Variants in HLA-DQB1 observed in about 807,000 individuals in gnomAD.
HLA-DQB1 encodes the protein HLA class II histocompatibility antigen, DQ beta 1 chain.
Under a neutral mutation model 26.4 loss-of-function variants are expected in HLA-DQB1, and 13 were observed. The ratio of observed to expected loss-of-function variants is 0.49; its 90% confidence interval spans 0.32 to 0.78. The LOEUF is 0.78. Ranked by LOEUF, HLA-DQB1 falls within the 30% of genes least tolerant of loss-of-function variation. HLA-DQB1 has a pLI of 0.03. For missense variants in HLA-DQB1, 158 were observed against 326.2 expected (o/e 0.48, Z 3.97); for synonymous variants, 60 against 129.1 (o/e 0.46, Z 3.63).
chr6:32,664,590 C>T (rs9274346), intron 2 of HLA-DQB1: 5,337 of 254,360 alleles, frequency 0.021, 963 homozygotes, highest in Admixed American at 0.053. Context: ...ACTAGGCAGC[C>T]TGGCCAACTC....
chr6:32,666,466 G>A (rs9274514), intron 1 of HLA-DQB1, 33 bp downstream of exon 1: 71,315 of 734,516 alleles, frequency 0.097, 7,333 homozygotes, highest in African/African-American at 0.17. Context: ...TTCCCAGAGT[G>A]GCGGCTCTGG....
chr6:32,664,596 A>G, intron 2 of HLA-DQB1: 1 of 299,744 alleles, frequency 3.3e-6, no homozygotes, highest in Non-Finnish European at 6.0e-6. Context: ...CAGCCTGGCC[A>G]ACTCTGCTTG....
chr6:32,665,112 C>A (rs281862011), intron 1 of HLA-DQB1, 45 bp from the exon 2 acceptor site: 20 of 1,021,750 alleles, frequency 2.0e-5, no homozygotes, highest in Middle Eastern at 7.5e-4. Context: ...AGCCCGGCCG[C>A]CCCCGCAGCC....
chr6:32,660,268 C>G lies in HLA-DQB1; in HGVS notation c.773-19G>C, dbSNP rs9273472. On this transcript the variant is annotated intron_variant, in intron 4 of 4. Transcript: ENST00000434651. ...AGAAGCCCTGGAGAAGAGAGAAGAG[C>G]ATTGATCAGCACAGGGTATCCTGGT... is the stretch of plus-strand genomic sequence containing the variant. 0.46 allele frequency: 451,899 copies of G among 976,234 alleles called. 184,432 individuals carry two copies. Among genetic ancestry groups the G allele is most frequent in the South Asian group, 0.73 (45,492 of 62,436 alleles). 60.5% of individuals were successfully genotyped at this position (976,234 alleles called of 1,614,324 possible).
intron 1 of HLA-DQB1, among the ~76,000 whole-genome samples, chr6:32,665,352 T>C (rs1452646720): frequency 1.4e-5 from 2 of 141,248 alleles, no homozygotes; most frequent in East Asian, 4.6e-4. Flanking sequence ...TGATTTTACA[T>C]GCACCTCTGC....
chr6:32,662,061 G>T, exon 3 of HLA-DQB1: 4 of 1,516,616 alleles, frequency 2.6e-6, no homozygotes, highest in Non-Finnish European at 3.6e-6. Flanking sequence ...GCATCACCAG[G>T]ATCTGGAAAG....
rs28986211 is a variant in HLA-DQB1 at position 32,661,591 on chromosome 6, AG to A, written c.662-135del. ...TAGTTCTCCATTCAGACCACCCCTA[AG>A]GAGGGGAAAGACCAGCCAATAGGTC... On this transcript the variant is annotated intron_variant, in intron 3 of 4. Coordinates refer to ENST00000434651, the Ensembl canonical transcript of HLA-DQB1. The A allele has an allele frequency of 1.7e-5, 9 of 528,914 alleles. 1 individual carries two copies. The highest frequency in any genetic ancestry group is 2.1e-5 in the Non-Finnish European group (7 of 326,370). The allele number at this position is 528,914 out of a possible 1,614,324, so 32.8% of individuals were successfully genotyped here.
exon 5 of HLA-DQB1, chr6:32,659,935 T>C (rs1215233756): frequency 9.3e-6 from 2 of 214,602 alleles, no homozygotes; most frequent in African/African-American, 2.3e-5. Flanking sequence ...AGTCAGGTAA[T>C]GTTTTTCATG....
exon 3 of HLA-DQB1, chr6:32,662,001 G>A (rs9273932): frequency 6.5e-7 from 1 of 1,548,416 alleles, no homozygotes; most frequent in Non-Finnish European, 8.8e-7. Context: ...GGAGGCTGGG[G>A]TGCTCCACGT....
At chr6:32,665,203 C>T (rs28746802) in intron 1 of HLA-DQB1, 136 bp from the exon 2 acceptor site, 74,486 of 483,096 alleles carry the variant, frequency 0.15, 8,757 homozygotes, top group East Asian at 0.31. Flanking sequence ...CGCTCCAGAC[C>T]TGGGATCCTC....
chr6:32,664,661 CCG>C (rs1554169322), intron 2 of HLA-DQB1, 135 bp downstream of exon 2: 12 of 268,162 alleles, frequency 4.5e-5, no homozygotes, highest in South Asian at 7.8e-5. Context: ...CCCCACCACC[CCG>C]CCGCCGCCTC....
chr6:32,660,323 G>C, intron 4 of HLA-DQB1, 74 bp from the exon 5 acceptor site: 2 of 725,496 alleles, frequency 2.8e-6, no homozygotes, highest in South Asian at 2.0e-5. Flanking sequence ...CCCTTCAGGG[G>C]CCCCCTGCAG....
At chr6:32,661,891 G>C (rs9273880) in intron 3 of HLA-DQB1, 76 bp downstream of exon 3, 1 of 1,081,800 alleles carries the variant, frequency 9.2e-7, no homozygotes, top group South Asian at 1.5e-5. Context: ...TCAGGGATAA[G>C]AGATGGGAAG....
chr6:32,664,678 C>A, intron 2 of HLA-DQB1, 120 bp downstream of exon 2: 6 of 251,630 alleles, frequency 2.4e-5, no homozygotes, highest in Admixed American at 9.2e-5. Flanking sequence ...CGCCTCCTTT[C>A]CCCTGGGGTG....
chr6:32,660,227 T>A lies in HLA-DQB1; in HGVS notation c.*9A>T. The A allele has an allele frequency of 2.3e-5, 23 of 982,918 alleles. 10 individuals carry two copies. Among genetic ancestry groups the A allele is most frequent in the Non-Finnish European group, 3.4e-5 (23 of 685,024 alleles). The allele number at this position is 982,918 out of a possible 1,614,324, so 60.9% of individuals were successfully genotyped here. A position where few individuals can be genotyped will look rare whatever the true frequency, so the allele number is the denominator to read the frequency against. Reference sequence around the variant, plus strand: ...TGATAACCAATCCTAGTTAAAATAGTCTCAGGAGTCAGTGCAGAAGCCCTG... The same window carrying A: ...TGATAACCAATCCTAGTTAAAATAGACTCAGGAGTCAGTGCAGAAGCCCTG... On this transcript the variant is annotated 3_prime_UTR_variant, in exon 5 of 5. Transcript: ENST00000434651.
exon 3 of HLA-DQB1, chr6:32,662,179 G>A: frequency 7.0e-7 from 1 of 1,429,560 alleles, no homozygotes; most frequent in African/African-American, 1.6e-5. Flanking sequence ...ATCTGTCACC[G>A]AGCAGACCAG....
intron 4 of HLA-DQB1, chr6:32,660,858 C>A (rs76282264): frequency 8.6e-6 from 13 of 1,505,870 alleles, no homozygotes; most frequent in Non-Finnish European, 1.2e-5. Flanking sequence ...TGAAATATTA[C>A]CTGCTGGTGG....
chr6:32,660,348 A>C lies in HLA-DQB1; in HGVS notation c.773-99T>G. 3.3e-6 allele frequency: 2 copies of C among 598,844 alleles called. 1 individual carries two copies. Among genetic ancestry groups the C allele is most frequent in the East Asian group, 7.6e-5 (2 of 26,282 alleles). 37.1% of individuals were successfully genotyped at this position (598,844 alleles called of 1,614,324 possible). A position where few individuals can be genotyped will look rare whatever the true frequency, so the allele number is the denominator to read the frequency against. ...GCCCCCTGCAGCTTCAGACAGAGAA[A>C]GTTGAGGTCCAGGGTGTATTGTCAT... On this transcript the variant is annotated intron_variant, in intron 4 of 4. Transcript: ENST00000434651.
In HLA-DQB1 at chr6:32,662,622, CACAACTCA is replaced by C. The variant is rs148939946; in HGVS notation, c.380-382_380-375del. Reference sequence around the variant, plus strand: ...CCCTTGATCAAACATCATGTTTGTCCACAACTCAATTCCTTTATCTTCTCAGATTGCTG... The same window carrying C: ...CCCTTGATCAAACATCATGTTTGTCCATTCCTTTATCTTCTCAGATTGCTG... On this transcript the variant is annotated intron_variant, in intron 2 of 4. Coordinates refer to ENST00000434651, the Ensembl canonical transcript of HLA-DQB1. 5.6e-4 allele frequency: 92 copies of C among 162,998 alleles called. No homozygotes were observed. In the South Asian group the frequency reaches 7.5e-3, roughly 13 times the overall value. 10.1% of individuals were successfully genotyped at this position (162,998 alleles called of 1,614,324 possible). A position where few individuals can be genotyped will look rare whatever the true frequency, so the allele number is the denominator to read the frequency against.
Sources: allele counts gnomAD v4.1 joint callset (sites outside exome capture counted in the v4.1 genomes callset), GRCh38; gene constraint gnomAD v4.1.1; transcripts MANE v1.5; gene names NCBI Gene and HGNC (gene_info 2026-07-23, HGNC 2026-07-21).